The following GUCY1A2 variants were observed in gnomAD, a reference collection of about 807,000 sequenced individuals.
The protein encoded by GUCY1A2 is guanylate cyclase soluble subunit alpha-2.
A neutral mutation model predicts 63.5 loss-of-function variants in GUCY1A2; 27 were observed. That is an observed-to-expected ratio of 0.43 (90% CI 0.31 to 0.59). The LOEUF (loss-of-function observed/expected upper bound fraction) is 0.59. Among genes scored for constraint, GUCY1A2 ranks in the 20% least tolerant of loss-of-function variants. The pLI is 0.11. For synonymous variants in GUCY1A2, 364 were observed against 343.5 expected (o/e 1.06, Z -0.66); for missense variants, 768 against 913.3 (o/e 0.84, Z 2.05).
intron 5 of GUCY1A2, among the ~76,000 whole-genome samples, chr11:106,797,722 G>C (rs1189177960): frequency 3.3e-5 from 5 of 152,136 alleles, no homozygotes; most frequent in Non-Finnish European, 7.4e-5. Flanking sequence ...AAACCAGTGA[G>C]AACAAAGACA....
chr11:106,939,544 G>T lies in GUCY1A2; in HGVS notation c.1122C>A (p.Thr374=), dbSNP rs1318847923. The T allele has an allele frequency of 3.1e-6, 5 of 1,613,888 alleles. No individual in the cohort carries two copies. Among genetic ancestry groups the T allele is most frequent in the East Asian group, 2.2e-5 (1 of 44,864 alleles). The change falls in exon 4 of 8, where the codon ACC becomes ACA. Residue 374 remains threonine, a synonymous_variant. Transcript: ENST00000526355. ...FEIVSPKVNA[T]FERVLLRLST... is the part of the protein sequence containing the mutation. ...ACAGTCGCAGCAGGACCCTTTCAAA[G>T]GTGGCATTAACCTTTGGAGATACAA...
At chr11:106,806,113 T>C (rs1858680946) in intron 5 of GUCY1A2, among the ~76,000 whole-genome samples, 1 of 151,894 alleles carries the variant, frequency 6.6e-6, no homozygotes. Flanking sequence ...ACAAACATAA[T>C]CACATAACAC....
chr11:106,792,448 G>A (rs1302872137), intron 5 of GUCY1A2, among the ~76,000 whole-genome samples: 1 of 150,552 alleles, frequency 6.6e-6, no homozygotes, highest in Non-Finnish European at 1.5e-5. Flanking sequence ...TGGGTTGCAA[G>A]GTTAGTTCAA....
intron 1 of GUCY1A2, among the ~76,000 whole-genome samples, chr11:107,014,400 C>A (rs1353596621): frequency 1.3e-5 from 2 of 152,192 alleles, no homozygotes; most frequent in East Asian, 3.9e-4. Flanking sequence ...GTTTCCCTTT[C>A]ATATGCCAAT....
At chr11:106,958,986 T>C (rs1861025738) in intron 3 of GUCY1A2, among the ~76,000 whole-genome samples, 1 of 152,210 alleles carries the variant, frequency 6.6e-6, no homozygotes, top group African/African-American at 2.4e-5. Context: ...TGAGTATCAG[T>C]GGTGCATGTA....
At chr11:106,817,317 A>C (rs555126601) in intron 4 of GUCY1A2, among the ~76,000 whole-genome samples, 2 of 152,102 alleles carry the variant, frequency 1.3e-5, no homozygotes, top group African/African-American at 4.8e-5. Context: ...TTAAGCTTGG[A>C]GTATTTGCAC....
chr11:106,915,830 T>G lies in GUCY1A2; in HGVS notation c.1206+23630A>C, dbSNP rs933668130. Among the ~76,000 whole-genome samples, 9 of 145,398 alleles carry G rather than the reference T, an allele frequency of 6.2e-5. 2 individuals carry two copies. Among genetic ancestry groups the G allele is most frequent in the African/African-American group, 2.2e-4 (9 of 41,042 alleles). On this transcript the variant is annotated intron_variant, in intron 4 of 7. Coordinates refer to ENST00000526355, the MANE Select transcript of GUCY1A2 (RefSeq NM_000855.3). Reference sequence around the variant, plus strand: ...TGCTTGTTGGAAAGGCATTTGAGCATTACAAGCTGAAACCCCTTAAGCCAC... The same window carrying G: ...TGCTTGTTGGAAAGGCATTTGAGCAGTACAAGCTGAAACCCCTTAAGCCAC...
intron 3 of GUCY1A2, among the ~76,000 whole-genome samples, chr11:106,963,836 A>T (rs1861090934): frequency 6.6e-6 from 1 of 152,212 alleles, no homozygotes. Flanking sequence ...ACCCAATAAA[A>T]ACAAAGTTCC....
At chr11:106,972,421 G>A (rs1210307929) in intron 3 of GUCY1A2, among the ~76,000 whole-genome samples, 1 of 151,972 alleles carries the variant, frequency 6.6e-6, no homozygotes, top group Non-Finnish European at 1.5e-5. Flanking sequence ...GAAGAGTTCA[G>A]AAAAGAGAAC....
intron 4 of GUCY1A2, among the ~76,000 whole-genome samples, chr11:106,932,563 T>G (rs987453948): frequency 6.6e-6 from 1 of 152,148 alleles, no homozygotes; most frequent in African/African-American, 2.4e-5. Context: ...ATCTACAGAT[T>G]CAATGCTATT....
intron 4 of GUCY1A2, among the ~76,000 whole-genome samples, chr11:106,898,221 TG>T (rs758604387): frequency 7.9e-5 from 12 of 152,164 alleles, no homozygotes; most frequent in Non-Finnish European, 1.6e-4. Context: ...TAGGCAGCAG[TG>T]GGAACTTTCA....
chr11:106,936,877 G>A (rs1324163861), intron 4 of GUCY1A2, among the ~76,000 whole-genome samples: 3 of 152,084 alleles, frequency 2.0e-5, no homozygotes, highest in Admixed American at 2.0e-4. Context: ...AGAGACTTCA[G>A]ACATCATAGA....
At chr11:106,887,139 T>C (rs1484307408) in intron 4 of GUCY1A2, among the ~76,000 whole-genome samples, 1 of 152,104 alleles carries the variant, frequency 6.6e-6, no homozygotes, top group Non-Finnish European at 1.5e-5. Context: ...TACGATTTCA[T>C]GCATAAATTT....
At position 106,835,368 on chromosome 11, in the gene GUCY1A2, T is replaced by C. The variant is rs569237171; in HGVS notation, c.1207-24890A>G. ...AGAACTGGAAGATCTAAAAATACCG[T>C]AACATGTAGAACAAAGAGCTAAAGA... On this transcript the variant is annotated intron_variant, in intron 4 of 7. Coordinates refer to ENST00000526355, the MANE Select transcript of GUCY1A2 (RefSeq NM_000855.3). Among the ~76,000 whole-genome samples the C allele has an allele frequency of 3.3e-5, 5 of 151,576 alleles. No individual in the cohort carries two copies. In the South Asian group the frequency reaches 1.0e-3, roughly 32 times the overall value.
intron 3 of GUCY1A2, among the ~76,000 whole-genome samples, chr11:106,977,255 G>A (rs912144223): frequency 7.2e-5 from 11 of 152,194 alleles, no homozygotes; most frequent in Non-Finnish European, 1.5e-4. Flanking sequence ...GTTACTGAAA[G>A]GAGAGTCCTT....
chr11:106,833,161 C>G (rs1859073252), intron 4 of GUCY1A2, among the ~76,000 whole-genome samples: 1 of 152,004 alleles, frequency 6.6e-6, no homozygotes, highest in African/African-American at 2.4e-5. Flanking sequence ...TTTGTAAGGA[C>G]AGAGGTCATA....
chr11:106,708,945 A>T (rs1862969114), intron 6 of GUCY1A2, among the ~76,000 whole-genome samples: 2 of 151,274 alleles, frequency 1.3e-5, no homozygotes, highest in Non-Finnish European at 2.9e-5. Context: ...GTTACAGGTT[A>T]AATCAGATTT....
Position 106,708,669 on chromosome 11 carries a change from A to G in GUCY1A2, c.1837-3T>C. On this transcript the variant is annotated splice_polypyrimidine_tract_variant and splice_region_variant and intron_variant, in intron 6 of 7. Coordinates refer to ENST00000526355, the MANE Select transcript of GUCY1A2 (RefSeq NM_000855.3). The stretch of plus-strand genomic sequence containing the variant: ...CCTGAGTGAATTCCTATCCTCATCT[A>G]AAGAAGAATGAAAGAGGAAAAGGAA... The G allele has an allele frequency of 6.4e-7, 1 of 1,571,970 alleles. No homozygotes were observed. Among genetic ancestry groups the G allele is most frequent in the Non-Finnish European group, 8.7e-7 (1 of 1,154,944 alleles).
intron 4 of GUCY1A2, among the ~76,000 whole-genome samples, chr11:106,826,135 T>G (rs1457870561): frequency 6.6e-6 from 1 of 152,206 alleles, no homozygotes; most frequent in Non-Finnish European, 1.5e-5. Context: ...CATATTTATG[T>G]TTAAAACACA....
Sources: allele counts gnomAD v4.1 joint callset (sites outside exome capture counted in the v4.1 genomes callset), GRCh38; gene constraint gnomAD v4.1.1; transcripts MANE v1.5; gene names NCBI Gene and HGNC (gene_info 2026-07-23, HGNC 2026-07-21).